DIP2C: variants seen among roughly 807,000 people sequenced by gnomAD.
The protein encoded by DIP2C is DIP2 acetate--CoA ligase C (putative).
A neutral mutation model predicts 192.4 loss-of-function variants in DIP2C; 33 were observed. That is an observed-to-expected ratio of 0.17 (90% CI 0.13 to 0.23). The LOEUF (loss-of-function observed/expected upper bound fraction) is 0.23. DIP2C is among the 10% of genes least tolerant of loss of function. The pLI, the probability that DIP2C is intolerant of heterozygous loss-of-function variation, is 1.00. For synonymous variants in DIP2C, 979 were observed against 864.1 expected, an observed-to-expected ratio of 1.13 and a Z score of -2.33; for missense variants, 1,537 against 2,110.1, an observed-to-expected ratio of 0.73 and a Z score of 5.32.
intron 32 of DIP2C, among the ~76,000 whole-genome samples, chr10:301,916 T>C (rs1483933939): frequency 6.6e-6 from 1 of 152,096 alleles, no homozygotes; most frequent in East Asian, 1.9e-4. Flanking sequence ...AGTGACATGG[T>C]GTGAAAGTGA....
chr10:576,918 A>G (rs1014945123), intron 1 of DIP2C, among the ~76,000 whole-genome samples: 2 of 151,076 alleles, frequency 1.3e-5, no homozygotes, highest in Admixed American at 1.3e-4. Flanking sequence ...ATTCTGTCTA[A>G]TAAAAAAAAA....
chr10:283,829 G>T (rs988084689), intron 34 of DIP2C, among the ~76,000 whole-genome samples: 8 of 152,110 alleles, frequency 5.3e-5, no homozygotes, highest in African/African-American at 1.9e-4. Context: ...AAAGCTTTGA[G>T]ATTTCTTTTC....
chr10:544,088 T>C (rs1564835023), intron 1 of DIP2C, among the ~76,000 whole-genome samples: 1 of 152,288 alleles, frequency 6.6e-6, no homozygotes, highest in Admixed American at 6.5e-5. Flanking sequence ...ACCTTTAGCA[T>C]GACCTTTGGT....
At chr10:314,853 T>C (rs1172717824) in intron 31 of DIP2C, among the ~76,000 whole-genome samples, 1 of 152,218 alleles carries the variant, frequency 6.6e-6, no homozygotes, top group Non-Finnish European at 1.5e-5. Flanking sequence ...TCATGTCTTA[T>C]ACTACTGCAT....
Position 286,487 on chromosome 10 carries a change from T to C in DIP2C, c.4045-140A>G, listed in dbSNP as rs960271460. ...AATTAAATCAAAACTATATGCCACA[T>C]AGTTATGACCCATTATACAACCACA... On this transcript the variant is annotated intron_variant, in intron 33 of 36. Transcript: ENST00000280886. 8 of 724,096 alleles carry C rather than the reference T, an allele frequency of 1.1e-5. No homozygotes were observed. In the Admixed American group the frequency reaches 1.6e-4, roughly 14 times the overall value. The allele number at this position is 724,096 out of a possible 1,614,324, so 44.9% of individuals were successfully genotyped here.
rs377188720 is a variant in DIP2C, at chr10:384,536, C to T, written c.1756+10G>A. On this transcript the variant is annotated intron_variant, in intron 15 of 36. Transcript: ENST00000280886. ...TACAGGTGTGAGCCACTGCGCCCGG[C>T]GAGACCCACCTTTGTACTGGCAGAC... 3.0e-5 allele frequency: 49 copies of T among 1,613,180 alleles called. No homozygotes were observed. In the East Asian group the frequency reaches 6.2e-4, roughly 21 times the overall value.
chr10:427,122 G>A (rs145075971), intron 4 of DIP2C, among the ~76,000 whole-genome samples: 8 of 152,362 alleles, frequency 5.3e-5, no homozygotes, highest in African/African-American at 1.9e-4. Flanking sequence ...GGAGAAGTCA[G>A]AAGTGTAAAA....
intron 14 of DIP2C, among the ~76,000 whole-genome samples, chr10:385,360 A>G (rs1282954747): frequency 6.6e-6 from 1 of 152,172 alleles, no homozygotes; most frequent in Non-Finnish European, 1.5e-5. Context: ...CTCGAACTCC[A>G]CTGCTTTCCC....
chr10:365,067 C>G (rs1564619132), intron 19 of DIP2C: 1 of 513,162 alleles, frequency 1.9e-6, no homozygotes. Context: ...AGTTCAAACT[C>G]TAACCCTCTT....
intron 4 of DIP2C, among the ~76,000 whole-genome samples, chr10:434,217 A>T (rs74854715): frequency 0.016 from 2,455 of 152,322 alleles, 75 homozygotes; most frequent in African/African-American, 0.056. Flanking sequence ...ATTATGAATG[A>T]ACTGTTACAT....
At position 358,083 on chromosome 10, in the gene DIP2C, G is replaced by T; in HGVS notation, c.2795-146C>A. On this transcript the variant is annotated intron_variant, in intron 22 of 36. Coordinates refer to ENST00000280886, the MANE Select transcript of DIP2C (RefSeq NM_014974.3). ...AACCTTCTAAGAACAGAGATTCAAC[G>T]AAATCAAATGATTGTGAAGGGGGAG... 5.2e-6 allele frequency: 3 copies of T among 580,992 alleles called. No homozygotes were observed. The South Asian group carries it at 6.9e-5, about 13-fold the overall frequency. 36.0% of individuals were successfully genotyped at this position (580,992 alleles called of 1,614,324 possible).
rs1564337266 is a variant in DIP2C, at chr10:679,720, ATC to A, written c.85+9772_85+9773del. Among the ~76,000 whole-genome samples, 241 of 146,404 alleles carry A rather than the reference ATC, an allele frequency of 1.6e-3. 1 individual carries two copies. Among genetic ancestry groups the A allele is most frequent in the Middle Eastern group, 3.7e-3 (1 of 272 alleles). On this transcript the variant is annotated intron_variant, in intron 1 of 36. Transcript: ENST00000280886. ...TGCTCCCCATGCCCATGCTCCCTGC[ATC>A]CGTCCTCCCCACGCCCATCTGTGCT...
chr10:563,885 C>T (rs78417528), intron 1 of DIP2C, among the ~76,000 whole-genome samples: 2,202 of 152,276 alleles, frequency 0.014, 22 homozygotes, highest in Non-Finnish European at 0.023. Context: ...AGTCATTTTC[C>T]TTAGTTCTTA....
chr10:474,094 A>G (rs963359894), intron 2 of DIP2C, among the ~76,000 whole-genome samples: 2 of 152,218 alleles, frequency 1.3e-5, no homozygotes, highest in Non-Finnish European at 2.9e-5. Flanking sequence ...TCTTTTAAAA[A>G]TGATCTTCAA....
chr10:407,529 C>T (rs1219426688), intron 9 of DIP2C, among the ~76,000 whole-genome samples: 1 of 152,182 alleles, frequency 6.6e-6, no homozygotes, highest in African/African-American at 2.4e-5. Context: ...GAGGCTGCAC[C>T]ATTTTACACT....
chr10:569,186 C>T (rs961553386), intron 1 of DIP2C, among the ~76,000 whole-genome samples: 1 of 152,198 alleles, frequency 6.6e-6, no homozygotes, highest in African/African-American at 2.4e-5. Context: ...GCAGAGACTT[C>T]CGTGGCCCAC....
At chr10:667,180 C>A (rs1857147543) in intron 1 of DIP2C, 1 of 152,248 alleles carries the variant, frequency 6.6e-6, no homozygotes, top group African/African-American at 2.4e-5. Flanking sequence ...ATGGTGAAAC[C>A]CCATCCCTAC....
rs373323758 is a variant in DIP2C, at chr10:580,267, GTACA to G, written c.86-93741_86-93738del. ...CATGTGTAAAGTATGTACATATGCA[GTACA>G]TAGTGTATGTACATATGCAGCATGC... On this transcript the variant is annotated intron_variant, in intron 1 of 36. Transcript: ENST00000280886. 3.5e-3 allele frequency among the ~76,000 whole-genome samples: 532 copies of G among 152,248 alleles called. 5 individuals carry two copies. The highest frequency in any genetic ancestry group is 0.012 in the African/African-American group (484 of 41,534).
At chr10:476,147 G>A (rs185697403) in intron 2 of DIP2C, among the ~76,000 whole-genome samples, 1 of 152,284 alleles carries the variant, frequency 6.6e-6, no homozygotes, top group East Asian at 1.9e-4. Context: ...TATCCCCAGG[G>A]AGATGGGGTG....
Sources: gnomAD v4.1 joint callset for allele counts (sites outside exome capture counted in the v4.1 genomes callset) on GRCh38, gnomAD v4.1.1 for gene constraint, MANE v1.5 for transcripts, NCBI Gene and HGNC (gene_info 2026-07-23, HGNC 2026-07-21) for gene names.